Variants in POU3F3 observed in about 807,000 individuals in gnomAD.
POU3F3 encodes the protein POU domain, class 3, transcription factor 3.
POU3F3 carries 1 observed loss-of-function variant against 8.6 expected under a neutral mutation model. That is an observed-to-expected ratio of 0.12 (90% CI 0.04 to 0.55). POU3F3 has a LOEUF of 0.55. Ranked by LOEUF, POU3F3 falls within the 20% of genes least tolerant of loss-of-function variation. POU3F3 has a pLI of 0.91. For missense variants in POU3F3, 577 were observed against 690.7 expected, an observed-to-expected ratio of 0.84 and a Z score of 1.84; for synonymous variants, 418 against 327.4, an observed-to-expected ratio of 1.28 and a Z score of -2.99.
chr2:104,856,930 C>G lies in POU3F3; in HGVS notation c.1420C>G (p.Pro474Ala). 1 of 1,613,514 alleles carries G rather than the reference C, an allele frequency of 6.2e-7. No individual in the cohort carries two copies. The highest frequency in any genetic ancestry group is 8.5e-7 in the Non-Finnish European group (1 of 1,179,926). ...MTPPGIQQQT[P>A]DDVYSQVGTV... ...GCCGCCCGGGATCCAACAGCAGACG[C>G]CCGACGACGTCTACTCGCAGGTGGG... The change falls in exon 1 of 1, where the codon CCC becomes GCC. Residue 474 changes from proline (P) to alanine (A), a missense_variant. Pro to Ala is a conservative substitution (Grantham distance 27). This residue lies in a region of POU3F3 where 35 missense variants were observed against 50.3 expected (regional missense o/e 0.70). Coordinates refer to ENST00000361360, the MANE Select transcript of POU3F3 (RefSeq NM_006236.3).
the POU3F3 span, among the ~76,000 whole-genome samples, chr2:104,882,118 T>A: frequency 6.6e-6 from 1 of 152,314 alleles, no homozygotes; most frequent in East Asian, 1.9e-4. Context: ...ATATGCAGAG[T>A]GTTTCAAAGT....
At chr2:104,901,296 T>C in the POU3F3 span, among the ~76,000 whole-genome samples, 10 of 152,194 alleles carry the variant, frequency 6.6e-5, no homozygotes, top group African/African-American at 2.4e-4. Flanking sequence ...AAGCACATAT[T>C]GAACCAGTCT....
chr2:104,884,690 C>A, the POU3F3 span, among the ~76,000 whole-genome samples: 1 of 152,184 alleles, frequency 6.6e-6, no homozygotes, highest in African/African-American at 2.4e-5. Context: ...AAGGACTCTT[C>A]TCTAACTCAG....
the POU3F3 span, among the ~76,000 whole-genome samples, chr2:104,894,167 CTG>C: frequency 6.6e-6 from 1 of 152,214 alleles, no homozygotes; most frequent in African/African-American, 2.4e-5. Flanking sequence ...GTGAAAGTCT[CTG>C]TGAGGATCAG....
At chr2:104,883,682 G>A in the POU3F3 span, among the ~76,000 whole-genome samples, 66 of 152,348 alleles carry the variant, frequency 4.3e-4, no homozygotes, top group Admixed American at 1.7e-3. Flanking sequence ...GCACTCTTCC[G>A]TAGCCGCTGG....
At chr2:104,864,162 C>T in the POU3F3 span, among the ~76,000 whole-genome samples, 1 of 152,240 alleles carries the variant, frequency 6.6e-6, no homozygotes, top group Non-Finnish European at 1.5e-5. Flanking sequence ...GATCCTGAGA[C>T]CGCGGTGTGC....
At chr2:104,921,327 G>T in the POU3F3 span, among the ~76,000 whole-genome samples, 1 of 152,288 alleles carries the variant, frequency 6.6e-6, no homozygotes, top group Non-Finnish European at 1.5e-5. Context: ...AGAGTAGGAA[G>T]CCCCAGGAAT....
At chr2:104,891,020 C>A in the POU3F3 span, among the ~76,000 whole-genome samples, 1 of 152,172 alleles carries the variant, frequency 6.6e-6, no homozygotes, top group African/African-American at 2.4e-5. Context: ...CAGCCCTGAG[C>A]GAGTTCCCTC....
At chr2:104,877,049 T>TACACACAC in the POU3F3 span, among the ~76,000 whole-genome samples, 30,874 of 150,546 alleles carry the variant, frequency 0.21, 3,042 homozygotes, top group Middle Eastern at 0.31. Context: ...GACTGTGGTA[T>TACACACAC]ACACACACAC....
At chr2:104,893,551 G>T in the POU3F3 span, among the ~76,000 whole-genome samples, 3 of 152,244 alleles carry the variant, frequency 2.0e-5, no homozygotes, top group Non-Finnish European at 1.5e-5. Flanking sequence ...TTTCAGTGAG[G>T]ATGGTGATTG....
At chr2:104,875,788 C>T in the POU3F3 span, among the ~76,000 whole-genome samples, 1 of 152,208 alleles carries the variant, frequency 6.6e-6, no homozygotes, top group Non-Finnish European at 1.5e-5. Context: ...GCAGTCTCGG[C>T]TCATTGCAAC....
the POU3F3 span, among the ~76,000 whole-genome samples, chr2:104,870,838 G>A: frequency 1.3e-5 from 2 of 152,182 alleles, no homozygotes; most frequent in East Asian, 1.9e-4. Flanking sequence ...AAGGAGGGTT[G>A]GCAAATCATC....
chr2:104,927,650 G>A, the POU3F3 span, among the ~76,000 whole-genome samples: 1 of 75,926 alleles, frequency 1.3e-5, no homozygotes, highest in Middle Eastern at 6.0e-3. Context: ...CTGAAAGCTG[G>A]GGCGGGGGAT....
chr2:104,896,182 T>C, the POU3F3 span, among the ~76,000 whole-genome samples: 1 of 152,202 alleles, frequency 6.6e-6, no homozygotes, highest in Non-Finnish European at 1.5e-5. Context: ...AAGGACTCCA[T>C]AGTCTCTAGC....
Position 104,855,474 on chromosome 2 carries a change from G to C in POU3F3, c.-37G>C, listed in dbSNP as rs1301450959. The C allele has an allele frequency of 1.0e-6, 1 of 952,852 alleles. No individual in the cohort carries two copies. Among genetic ancestry groups the C allele is most frequent in the Non-Finnish European group, 1.2e-6 (1 of 803,520 alleles). The allele number at this position is 952,852 out of a possible 1,614,324, so 59.0% of individuals were successfully genotyped here. A position where few individuals can be genotyped will look rare whatever the true frequency, so the allele number is the denominator to read the frequency against. ...CGGCTGCTGCTGCGGCGGCGGCGGC[G>C]GTGGTGGCGGCGGTGGGGTGGCGGG... On this transcript the variant is annotated 5_prime_UTR_variant, in exon 1 of 1. Transcript: ENST00000361360.
chr2:104,876,871 C>T, the POU3F3 span, among the ~76,000 whole-genome samples: 1 of 152,212 alleles, frequency 6.6e-6, no homozygotes, highest in African/African-American at 2.4e-5. Flanking sequence ...ACCGCTAGAG[C>T]TCTGTGCTGC....
At chr2:104,864,382 G>A in the POU3F3 span, among the ~76,000 whole-genome samples, 1 of 152,188 alleles carries the variant, frequency 6.6e-6, no homozygotes, top group Non-Finnish European at 1.5e-5. Context: ...GAGAACTTTA[G>A]AGGTGCCGCG....
rs1170740124 is a variant in POU3F3, at chr2:104,857,068, T to A, written c.*55T>A. The A allele has an allele frequency of 8.2e-7, 1 of 1,220,338 alleles. No homozygotes were observed. The highest frequency in any genetic ancestry group is 1.6e-5 in the African/African-American group (1 of 62,358). The allele number at this position is 1,220,338 out of a possible 1,614,324, so 75.6% of individuals were successfully genotyped here. On this transcript the variant is annotated 3_prime_UTR_variant, in exon 1 of 1. Coordinates refer to ENST00000361360, the MANE Select transcript of POU3F3 (RefSeq NM_006236.3). ...GCCGCCGCCGCCTCCGCAGCCGCCG[T>A]CAGCACCGCCGCCGCCCCTGCCGCC...
chr2:104,912,332 A>G, the POU3F3 span, among the ~76,000 whole-genome samples: 1 of 152,216 alleles, frequency 6.6e-6, no homozygotes, highest in Admixed American at 6.5e-5. Flanking sequence ...CACCGGCATC[A>G]TTGGCCACTC....
Sources: gnomAD v4.1 joint callset for allele counts (sites outside exome capture counted in the v4.1 genomes callset) on GRCh38, gnomAD v4.1.1 for gene constraint, gnomAD v4.1.1 regional missense constraint, MANE v1.5 for transcripts, NCBI Gene and HGNC (gene_info 2026-07-23, HGNC 2026-07-21) for gene names.